SORCS1: variants seen among roughly 807,000 people sequenced by gnomAD.
The protein encoded by SORCS1 is sortilin related VPS10 domain containing receptor 1, also known as VPS10 domain-containing receptor SorCS1.
In SORCS1, 60 loss-of-function variants were observed where a neutral mutation model predicts 146.1. The observed-to-expected ratio is 0.41, with a 90% CI of 0.33 to 0.51. The LOEUF is 0.51. Ranked by LOEUF, SORCS1 falls within the 20% of genes least tolerant of loss-of-function variation. The probability of loss-of-function intolerance (pLI) is 0.21; values close to 1 mark genes in which losing one functional copy is unlikely to be tolerated. For missense variants in SORCS1, 1,352 were observed against 1,487.6 expected (o/e 0.91, Z 1.50); for synonymous variants, 637 against 584.0 (o/e 1.09, Z -1.31).
chr10:106,989,206 A>G (rs56901609), intron 1 of SORCS1, among the ~76,000 whole-genome samples: 33,125 of 146,482 alleles, frequency 0.23, 4,438 homozygotes, highest in Middle Eastern at 0.33. Context: ...GGAGGCAGAG[A>G]ATGAGGTGAG....
chr10:106,692,070 C>G (rs1853337108), intron 9 of SORCS1, among the ~76,000 whole-genome samples: 1 of 152,170 alleles, frequency 6.6e-6, no homozygotes, highest in Admixed American at 6.5e-5. Flanking sequence ...CAGGGTCTCT[C>G]TCTCTCTGGC....
intron 6 of SORCS1, among the ~76,000 whole-genome samples, chr10:106,725,705 C>A (rs1038726498): frequency 6.6e-6 from 1 of 151,538 alleles, no homozygotes; most frequent in Non-Finnish European, 1.5e-5. Flanking sequence ...CAGAGGCAGG[C>A]GGATCACTTG....
chr10:106,841,539 T>G (rs1002189878), intron 2 of SORCS1, among the ~76,000 whole-genome samples: 1 of 152,206 alleles, frequency 6.6e-6, no homozygotes, highest in African/African-American at 2.4e-5. Flanking sequence ...CTTAATAGAC[T>G]GTAGTATAGT....
At chr10:106,978,920 C>T (rs557563845) in intron 1 of SORCS1, among the ~76,000 whole-genome samples, 3 of 152,200 alleles carry the variant, frequency 2.0e-5, no homozygotes, top group African/African-American at 4.8e-5. Flanking sequence ...GTCAACAAAT[C>T]GGCATGGCTA....
chr10:106,789,745 T>A (rs920907802), intron 3 of SORCS1, among the ~76,000 whole-genome samples: 1 of 152,230 alleles, frequency 6.6e-6, no homozygotes, highest in African/African-American at 2.4e-5. Context: ...TGTTATGCAG[T>A]TTCAATTTAT....
At chr10:106,751,373 G>A (rs753799144) in intron 5 of SORCS1, among the ~76,000 whole-genome samples, 6 of 152,150 alleles carry the variant, frequency 3.9e-5, no homozygotes, top group Non-Finnish European at 7.3e-5. Flanking sequence ...TAGGGAAAGT[G>A]TAAAAGAAGA....
At chr10:106,973,306 G>A (rs1290428973) in intron 1 of SORCS1, among the ~76,000 whole-genome samples, 3 of 152,228 alleles carry the variant, frequency 2.0e-5, no homozygotes, top group Non-Finnish European at 4.4e-5. Flanking sequence ...CTCTGTTGCA[G>A]GAATGGGTAA....
At chr10:106,989,848 G>A (rs1370507890) in intron 1 of SORCS1, among the ~76,000 whole-genome samples, 1 of 151,348 alleles carries the variant, frequency 6.6e-6, no homozygotes, top group Non-Finnish European at 1.5e-5. Context: ...CACCACGCCT[G>A]GCTAATTTTT....
intron 1 of SORCS1, among the ~76,000 whole-genome samples, chr10:106,983,273 C>T (rs1024144304): frequency 6.8e-6 from 1 of 146,880 alleles, no homozygotes; most frequent in Non-Finnish European, 1.5e-5. Context: ...TATAAATATA[C>T]ATATACATAT....
At chr10:106,701,227 C>G (rs548826158) in intron 8 of SORCS1, among the ~76,000 whole-genome samples, 1 of 152,114 alleles carries the variant, frequency 6.6e-6, no homozygotes, top group African/African-American at 2.4e-5. Flanking sequence ...TGAGGAGACA[C>G]AGGTCCAAGT....
intron 2 of SORCS1, among the ~76,000 whole-genome samples, chr10:106,848,705 A>T: frequency 1.4e-5 from 2 of 139,458 alleles, no homozygotes; most frequent in South Asian, 2.6e-4. Flanking sequence ...TTTTGGCATG[A>T]TTTTGCAGCG....
intron 3 of SORCS1, among the ~76,000 whole-genome samples, chr10:106,779,943 T>C (rs1860764340): frequency 1.3e-5 from 2 of 152,234 alleles, no homozygotes; most frequent in African/African-American, 2.4e-5. Flanking sequence ...TAATTGTTAA[T>C]TGAATAAGTA....
At chr10:106,925,585 T>C (rs1161715873) in intron 2 of SORCS1, among the ~76,000 whole-genome samples, 2 of 152,214 alleles carry the variant, frequency 1.3e-5, no homozygotes, top group African/African-American at 4.8e-5. Flanking sequence ...CTTCCCTCAC[T>C]GTTCCCTCCA....
intron 14 of SORCS1, among the ~76,000 whole-genome samples, chr10:106,673,543 A>G (rs1851774842): frequency 6.6e-6 from 1 of 152,230 alleles, no homozygotes; most frequent in African/African-American, 2.4e-5. Flanking sequence ...AACCAGACCC[A>G]GAGTATTTAA....
intron 1 of SORCS1, among the ~76,000 whole-genome samples, chr10:107,019,637 C>T (rs1958046254): frequency 6.6e-6 from 1 of 152,264 alleles, no homozygotes; most frequent in South Asian, 2.1e-4. Context: ...CATTTAATGC[C>T]CTAACCGTCC....
intron 1 of SORCS1, among the ~76,000 whole-genome samples, chr10:107,049,545 ACTT>A (rs1959909630): frequency 6.6e-6 from 1 of 152,044 alleles, no homozygotes; most frequent in Non-Finnish European, 1.5e-5. Context: ...AAGTGCTAAA[ACTT>A]CTTCATTGTT....
chr10:107,174,364 C>T, the SORCS1 span, among the ~76,000 whole-genome samples: 625 of 152,152 alleles, frequency 4.1e-3, 4 homozygotes, highest in Non-Finnish European at 5.6e-3. Flanking sequence ...CGCCACCATT[C>T]CCGGCTAATT....
intron 3 of SORCS1, among the ~76,000 whole-genome samples, chr10:106,808,878 T>A (rs1199588252): frequency 6.6e-6 from 1 of 152,186 alleles, no homozygotes; most frequent in Non-Finnish European, 1.5e-5. Context: ...ACTACTTTCA[T>A]CCCATTTAGA....
chr10:107,091,310 C>G (rs1027903543), intron 1 of SORCS1, among the ~76,000 whole-genome samples: 2 of 152,224 alleles, frequency 1.3e-5, no homozygotes, highest in Admixed American at 1.3e-4. Context: ...ATGACTGACT[C>G]CTTAGGATTC....
Sources: gnomAD v4.1 joint callset for allele counts (sites outside exome capture counted in the v4.1 genomes callset) on GRCh38, gnomAD v4.1.1 for gene constraint, MANE v1.5 for transcripts, NCBI Gene and HGNC (gene_info 2026-07-23, HGNC 2026-07-21) for gene names.